Variants in GSK3B observed in about 807,000 individuals in gnomAD.
GSK3B encodes the protein glycogen synthase kinase-3 beta.
In GSK3B, 15 loss-of-function variants were observed where a neutral mutation model predicts 56.4. The observed-to-expected ratio is 0.27, with a 90% CI of 0.18 to 0.41. GSK3B has a LOEUF of 0.41. Ranked by LOEUF, GSK3B falls within the 10% of genes least tolerant of loss-of-function variation. GSK3B has a pLI of 1.00. For missense variants in GSK3B, 300 were observed against 513.4 expected, an observed-to-expected ratio of 0.58 and a Z score of 4.02; for synonymous variants, 181 against 188.9, an observed-to-expected ratio of 0.96 and a Z score of 0.34.
chr3:119,988,078 C>G (rs1053367273), intron 2 of GSK3B, among the ~76,000 whole-genome samples: 1 of 152,140 alleles, frequency 6.6e-6, no homozygotes, highest in Non-Finnish European at 1.5e-5. Flanking sequence ...AGCTATAAAG[C>G]TCTAACAGGT....
chr3:120,064,250 C>G (rs907179473), intron 1 of GSK3B, among the ~76,000 whole-genome samples: 1 of 151,550 alleles, frequency 6.6e-6, no homozygotes, highest in African/African-American at 2.4e-5. Flanking sequence ...GAAACAAAAT[C>G]GGATTTGGAA....
At chr3:119,878,443 T>TA (rs1253105956) in intron 7 of GSK3B, among the ~76,000 whole-genome samples, 2 of 152,092 alleles carry the variant, frequency 1.3e-5, no homozygotes, top group African/African-American at 4.8e-5. Flanking sequence ...AGGCTAAAAT[T>TA]AAAGACTATG....
At chr3:119,906,409 C>T (rs141254548) in intron 6 of GSK3B, among the ~76,000 whole-genome samples, 165 of 152,122 alleles carry the variant, frequency 1.1e-3, no homozygotes, top group Non-Finnish European at 2.0e-3. Context: ...TGGAGGAATA[C>T]ATTTTACTTC....
intron 1 of GSK3B, among the ~76,000 whole-genome samples, chr3:120,043,074 C>T (rs999260894): frequency 6.6e-6 from 1 of 152,198 alleles, no homozygotes; most frequent in Non-Finnish European, 1.5e-5. Context: ...TCTCTTAGCA[C>T]AGGCGCTAAC....
rs201590431 is a variant in GSK3B at position 119,826,686 on chromosome 3, T to C, written c.*102A>G. On this transcript the variant is annotated 3_prime_UTR_variant, in exon 11 of 11. Transcript: ENST00000264235. The stretch of plus-strand genomic sequence containing the variant: ...AAATTGAACACTAAAATGAACAGGA[T>C]TTTTTTCTCTTTTTAATATTCTTTC... 1.3e-6 allele frequency: 1 copy of C among 789,582 alleles called. No individual in the cohort carries two copies. Among genetic ancestry groups the C allele is most frequent in the Non-Finnish European group, 2.3e-6 (1 of 438,494 alleles). 48.9% of individuals were successfully genotyped at this position (789,582 alleles called of 1,614,324 possible). A position where few individuals can be genotyped will look rare whatever the true frequency, so the allele number is the denominator to read the frequency against.
intron 1 of GSK3B, among the ~76,000 whole-genome samples, chr3:120,006,011 T>C (rs1452658401): frequency 6.6e-6 from 1 of 152,108 alleles, no homozygotes; most frequent in Non-Finnish European, 1.5e-5. Context: ...GACCCATCAA[T>C]GTGCTGTATT....
intron 2 of GSK3B, among the ~76,000 whole-genome samples, chr3:119,962,890 T>C (rs1204661855): frequency 6.6e-6 from 1 of 152,150 alleles, no homozygotes; most frequent in African/African-American, 2.4e-5. Flanking sequence ...AGGGTTCATG[T>C]TCCTATGGGA....
chr3:119,997,211 A>G (rs2057627853), intron 2 of GSK3B, among the ~76,000 whole-genome samples: 1 of 152,236 alleles, frequency 6.6e-6, no homozygotes, highest in Non-Finnish European at 1.5e-5. Context: ...GGGCCTCAGC[A>G]CATTAAATGC....
chr3:119,846,040 C>A (rs2055851106), intron 9 of GSK3B, among the ~76,000 whole-genome samples: 1 of 152,138 alleles, frequency 6.6e-6, no homozygotes, highest in South Asian at 2.1e-4. Context: ...CAAAAACAAG[C>A]AATGGGGAAA....
At chr3:120,016,393 A>G (rs1244116927) in intron 1 of GSK3B, among the ~76,000 whole-genome samples, 3 of 152,236 alleles carry the variant, frequency 2.0e-5, no homozygotes, top group Non-Finnish European at 4.4e-5. Flanking sequence ...TCATTTTAAC[A>G]AATGGGAAAA....
rs2055508271 is a variant in GSK3B at position 119,826,505 on chromosome 3, T to C, written c.*283A>G. 1.8e-6 allele frequency: 1 copy of C among 544,448 alleles called. No individual in the cohort carries two copies. The highest frequency in any genetic ancestry group is 3.3e-6 in the Non-Finnish European group (1 of 303,536). The allele number at this position is 544,448 out of a possible 1,614,324, so 33.7% of individuals were successfully genotyped here. ...GCAGACTTTTAATAAAAAAAGATTG[T>C]CGTGGGAGAGAGATTGTATGTTCTA... On this transcript the variant is annotated 3_prime_UTR_variant, in exon 11 of 11. Coordinates refer to ENST00000264235, the MANE Select transcript of GSK3B (RefSeq NM_001146156.2).
chr3:120,043,117 G>C (rs970471584), intron 1 of GSK3B, among the ~76,000 whole-genome samples: 2 of 152,044 alleles, frequency 1.3e-5, no homozygotes, highest in Admixed American at 6.5e-5. Flanking sequence ...TAACAGCCTG[G>C]GGATCACGTC....
At chr3:120,051,633 G>A (rs2058150701) in intron 1 of GSK3B, among the ~76,000 whole-genome samples, 2 of 151,994 alleles carry the variant, frequency 1.3e-5, no homozygotes, top group Non-Finnish European at 2.9e-5. Context: ...CAGGTGTGGT[G>A]GTGGGCATCT....
In GSK3B at chr3:119,833,714, T is replaced by TA. The variant is rs752576045; in HGVS notation, c.1196-6860dup. ...TGTTTTTTTTTTTTTTTTTTTTTTTTAGACAGGGTCTCACTCTGTCACCTA... is the reference window on the plus strand; with the variant it reads ...TGTTTTTTTTTTTTTTTTTTTTTTTTAAGACAGGGTCTCACTCTGTCACCTA... On this transcript the variant is annotated intron_variant, in intron 10 of 10. Coordinates refer to ENST00000264235, the MANE Select transcript of GSK3B (RefSeq NM_001146156.2). 2.9e-4 allele frequency among the ~76,000 whole-genome samples: 42 copies of TA among 147,180 alleles called. No homozygotes were observed. In the East Asian group the frequency reaches 7.5e-3, roughly 26 times the overall value.
chr3:119,976,765 C>CAAAAAAAAAAAAAAAAA (rs563133631), intron 2 of GSK3B, among the ~76,000 whole-genome samples: 2 of 83,092 alleles, frequency 2.4e-5, no homozygotes, highest in Admixed American at 1.3e-4. Flanking sequence ...CCACTCCCCA[C>CAAAAAAAAAAAAAAAAA]AAAAAAAAAA....
chr3:119,996,469 T>C (rs1425333369), intron 2 of GSK3B, among the ~76,000 whole-genome samples: 1 of 152,206 alleles, frequency 6.6e-6, no homozygotes, highest in Non-Finnish European at 1.5e-5. Context: ...TCACATCCTT[T>C]TATTTTCAGC....
chr3:119,901,212 T>C (rs1250335876), intron 7 of GSK3B, among the ~76,000 whole-genome samples: 1 of 152,188 alleles, frequency 6.6e-6, no homozygotes, highest in Non-Finnish European at 1.5e-5. Context: ...TCTTGAGGTT[T>C]TTATATTAAG....
chr3:120,082,103 G>T (rs1347089415), intron 1 of GSK3B, among the ~76,000 whole-genome samples: 1 of 152,036 alleles, frequency 6.6e-6, no homozygotes, highest in Non-Finnish European at 1.5e-5. Flanking sequence ...TAAAATAAGG[G>T]TGGAAAGAAT....
At chr3:119,985,093 A>T (rs1246286645) in intron 2 of GSK3B, among the ~76,000 whole-genome samples, 1 of 152,088 alleles carries the variant, frequency 6.6e-6, no homozygotes, top group Non-Finnish European at 1.5e-5. Context: ...CAAAAACCAC[A>T]TGATTATCTC....
Sources: gnomAD v4.1 joint callset for allele counts (sites outside exome capture counted in the v4.1 genomes callset) on GRCh38, gnomAD v4.1.1 for gene constraint, MANE v1.5 for transcripts, NCBI Gene and HGNC (gene_info 2026-07-23, HGNC 2026-07-21) for gene names.